Variants in SND1 observed in about 807,000 individuals in gnomAD.
SND1 encodes the protein staphylococcal nuclease and tudor domain containing 1.
A neutral mutation model predicts 121.7 loss-of-function variants in SND1; 38 were observed. That is an observed-to-expected ratio of 0.31 (90% CI 0.24 to 0.41). The LOEUF (loss-of-function observed/expected upper bound fraction) is 0.41. SND1 is among the 10% of genes least tolerant of loss of function. The probability of loss-of-function intolerance (pLI) is 1.00; values close to 1 mark genes in which losing one functional copy is unlikely to be tolerated. For missense variants in SND1, 868 were observed against 1,184.6 expected (o/e 0.73, Z 3.92); for synonymous variants, 401 against 447.4 (o/e 0.90, Z 1.31).
At chr7:127,736,169 C>T (rs1344076359) in intron 10 of SND1, among the ~76,000 whole-genome samples, 1 of 152,160 alleles carries the variant, frequency 6.6e-6, no homozygotes, top group Non-Finnish European at 1.5e-5. Context: ...AGATAGATGG[C>T]TTGCGTTTCT....
intron 12 of SND1, among the ~76,000 whole-genome samples, chr7:127,854,646 T>C (rs1799238139): frequency 6.6e-6 from 1 of 151,434 alleles, no homozygotes; most frequent in African/African-American, 2.4e-5. Flanking sequence ...ATAAGCATTA[T>C]TTATTTATTT....
chr7:127,903,753 T>C (rs551086701), intron 13 of SND1, among the ~76,000 whole-genome samples: 1 of 152,286 alleles, frequency 6.6e-6, no homozygotes, highest in Admixed American at 6.5e-5. Flanking sequence ...TTGAGTGAGT[T>C]CCTGAAAGGG....
At chr7:128,090,009 C>G (rs574811477) in intron 22 of SND1, among the ~76,000 whole-genome samples, 2 of 152,136 alleles carry the variant, frequency 1.3e-5, no homozygotes, top group Admixed American at 6.5e-5. Context: ...CTGTCCCTCC[C>G]GCTCTCCCAG....
Position 128,084,800 on chromosome 7 carries a change from C to T in SND1, c.2187C>T (p.Ala729=). 1 of 1,608,496 alleles carries T rather than the reference C, an allele frequency of 6.2e-7. No homozygotes were observed. Among genetic ancestry groups the T allele is most frequent in the Non-Finnish European group, 8.5e-7 (1 of 1,176,168 alleles). ...ASHPPVEGSY[A]PRRGEFCIAK... is the part of the protein sequence containing the mutation. Reference sequence around the variant, plus strand: ...ACCCCCCTGTAGAGGGCTCCTATGCCCCCCGCAGGGGAGAGTTCTGCATTG... The same window carrying T: ...ACCCCCCTGTAGAGGGCTCCTATGCTCCCCGCAGGGGAGAGTTCTGCATTG... Residue 729 remains alanine (A), a synonymous_variant, in exon 19 of 24, where the codon GCC becomes GCT. Transcript: ENST00000354725.
intron 10 of SND1, among the ~76,000 whole-genome samples, chr7:127,754,020 C>T (rs1797150041): frequency 6.6e-6 from 1 of 152,054 alleles, no homozygotes; most frequent in Admixed American, 6.6e-5. Flanking sequence ...ACATTTAGCC[C>T]AAAGTAGATT....
intron 14 of SND1, among the ~76,000 whole-genome samples, chr7:127,928,797 G>T (rs947895087): frequency 1.1e-4 from 17 of 152,116 alleles, no homozygotes; most frequent in African/African-American, 3.6e-4. Flanking sequence ...TGCCATGTTG[G>T]CCAGGATGGT....
intron 14 of SND1, among the ~76,000 whole-genome samples, chr7:127,921,497 A>G (rs1800704881): frequency 6.6e-6 from 1 of 152,192 alleles, no homozygotes; most frequent in Non-Finnish European, 1.5e-5. Context: ...GTTAGGGGAA[A>G]AGTTTTCTTG....
chr7:127,733,580 A>C (rs2116416858), intron 10 of SND1, among the ~76,000 whole-genome samples: 1 of 152,344 alleles, frequency 6.6e-6, no homozygotes, highest in South Asian at 2.1e-4. Context: ...TACAAGGGCA[A>C]ATCATTTGAT....
rs978076181 is a variant in SND1 at position 127,784,995 on chromosome 7, T to C, written c.1153-22489T>C. 5.9e-5 allele frequency among the ~76,000 whole-genome samples: 9 copies of C among 152,274 alleles called. No individual in the cohort carries two copies. The East Asian group carries it at 1.2e-3, about 20-fold the overall frequency. Reference sequence around the variant, plus strand: ...GTGCAGTGGCACAATCACGGCTTACTGTAGCCTCTTGACCTCCTCAGCTCC... The same window carrying C: ...GTGCAGTGGCACAATCACGGCTTACCGTAGCCTCTTGACCTCCTCAGCTCC... On this transcript the variant is annotated intron_variant, in intron 10 of 23. Coordinates refer to ENST00000354725, the MANE Select transcript of SND1 (RefSeq NM_014390.4).
intron 1 of SND1, among the ~76,000 whole-genome samples, chr7:127,659,612 A>G (rs1429306235): frequency 1.3e-5 from 2 of 152,300 alleles, no homozygotes; most frequent in South Asian, 2.1e-4. Flanking sequence ...GTCTTGTAGC[A>G]CCAACCTCAT....
intron 10 of SND1, among the ~76,000 whole-genome samples, chr7:127,723,370 T>C (rs1195722416): frequency 1.6e-5 from 2 of 122,778 alleles, no homozygotes; most frequent in Admixed American, 1.5e-4. Context: ...GTGTTACCTC[T>C]TTTTTTTCTT....
At chr7:127,883,662 A>G (rs928316906) in intron 12 of SND1, among the ~76,000 whole-genome samples, 8 of 152,174 alleles carry the variant, frequency 5.3e-5, no homozygotes, top group Non-Finnish European at 5.9e-5. Flanking sequence ...TCTAATCCAC[A>G]AACCTACTCA....
intron 11 of SND1, among the ~76,000 whole-genome samples, chr7:127,833,229 G>A (rs117608195): frequency 9.1e-5 from 13 of 142,326 alleles, no homozygotes; most frequent in East Asian, 2.0e-4. Flanking sequence ...GAAACCATCC[G>A]TATATTTTCT....
At chr7:127,899,454 G>A (rs545420426) in intron 13 of SND1, among the ~76,000 whole-genome samples, 22 of 152,254 alleles carry the variant, frequency 1.4e-4, no homozygotes, top group African/African-American at 4.8e-4. Flanking sequence ...GAATCAAGGG[G>A]AAAGCAAAAG....
intron 15 of SND1, among the ~76,000 whole-genome samples, chr7:127,981,555 T>C (rs1363339461): frequency 6.6e-6 from 1 of 152,144 alleles, no homozygotes; most frequent in African/African-American, 2.4e-5. Flanking sequence ...TAAAAATCAT[T>C]GTTTTCAGAT....
intron 10 of SND1, among the ~76,000 whole-genome samples, chr7:127,767,227 C>T (rs1012160222): frequency 1.3e-5 from 2 of 152,162 alleles, no homozygotes; most frequent in South Asian, 4.1e-4. Context: ...TCCCTTCCCC[C>T]ATCCCTTTCC....
chr7:127,750,015 AT>A (rs1563000097), intron 10 of SND1, among the ~76,000 whole-genome samples: 1 of 152,182 alleles, frequency 6.6e-6, no homozygotes, highest in African/African-American at 2.4e-5. Context: ...TGGGAGGGTC[AT>A]TTGAGCCCAG....
In SND1 at chr7:128,002,155, C is replaced by G. The variant is rs1189526007; in HGVS notation, c.1779+11099C>G. Reference sequence around the variant, plus strand: ...CACATATGCATATGCTACCCCTATTCGGGTTGTCCACCCATGGCAGACATT... The same window carrying G: ...CACATATGCATATGCTACCCCTATTGGGGTTGTCCACCCATGGCAGACATT... On this transcript the variant is annotated intron_variant, in intron 16 of 23. Transcript: ENST00000354725. Among the ~76,000 whole-genome samples, 3 of 152,204 alleles carry G rather than the reference C, an allele frequency of 2.0e-5. No homozygotes were observed. The South Asian group carries it at 6.2e-4, about 32-fold the overall frequency.
intron 12 of SND1, among the ~76,000 whole-genome samples, chr7:127,871,132 G>A (rs962596667): frequency 2.6e-5 from 4 of 152,028 alleles, no homozygotes; most frequent in Non-Finnish European, 5.9e-5. Context: ...GTTTTCAGGG[G>A]GCAATAATGT....
Sources: allele counts gnomAD v4.1 joint callset (sites outside exome capture counted in the v4.1 genomes callset), GRCh38; gene constraint gnomAD v4.1.1; transcripts MANE v1.5; gene names NCBI Gene and HGNC (gene_info 2026-07-23, HGNC 2026-07-21).